DARS1: variants seen among roughly 807,000 people sequenced by gnomAD.
DARS1 encodes aspartyl-tRNA synthetase 1, also known as aspartate--tRNA ligase, cytoplasmic.
A neutral mutation model predicts 68.8 loss-of-function variants in DARS1; 51 were observed. The observed-to-expected ratio is 0.74, with a 90% CI of 0.59 to 0.94. The LOEUF (loss-of-function observed/expected upper bound fraction) is 0.94. DARS1 is among the 40% of genes least tolerant of loss of function. The pLI, the probability that DARS1 is intolerant of heterozygous loss-of-function variation, is 0.00. For missense variants in DARS1, 607 were observed against 597.3 expected (o/e 1.02, Z -0.17); for synonymous variants, 203 against 190.4 (o/e 1.07, Z -0.55).
intron 3 of DARS1, among the ~76,000 whole-genome samples, chr2:135,965,164 G>A (rs993411432): frequency 3.3e-5 from 5 of 151,914 alleles, no homozygotes; most frequent in Non-Finnish European, 7.4e-5. Flanking sequence ...ACACCCCAAC[G>A]AATACAGAGT....
At chr2:135,969,230 T>C (rs1682310432) in intron 3 of DARS1, among the ~76,000 whole-genome samples, 2 of 152,056 alleles carry the variant, frequency 1.3e-5, no homozygotes, top group African/African-American at 4.8e-5. Context: ...TGTTAATTAT[T>C]TTAAAAAGTT....
intron 9 of DARS1, 91 bp downstream of exon 9, chr2:135,922,691 AGT>A: frequency 7.4e-7 from 1 of 1,344,148 alleles, no homozygotes; most frequent in Non-Finnish European, 9.6e-7. Context: ...AAGCTTTCAA[AGT>A]GTCTGTACAT....
At chr2:135,936,941 G>A (rs1036517987) in intron 5 of DARS1, among the ~76,000 whole-genome samples, 5 of 152,126 alleles carry the variant, frequency 3.3e-5, no homozygotes, top group East Asian at 1.9e-4. Context: ...GGATCAGGGC[G>A]GGAAGAGGCC....
At chr2:135,958,217 G>C (rs2104831163) in intron 4 of DARS1, among the ~76,000 whole-genome samples, 1 of 152,256 alleles carries the variant, frequency 6.6e-6, no homozygotes, top group Middle Eastern at 3.4e-3. Context: ...GGCATTGTTA[G>C]TTAAAATTTG....
rs192079092 is a variant in DARS1 at position 135,979,237 on chromosome 2, C to T, written c.217+37G>A. The T allele has an allele frequency of 8.8e-6, 8 of 906,328 alleles. No individual in the cohort carries two copies. In the African/African-American group the frequency reaches 1.3e-4, roughly 15 times the overall value. The allele number at this position is 906,328 out of a possible 1,614,324, so 56.1% of individuals were successfully genotyped here. On this transcript the variant is annotated intron_variant, in intron 3 of 15. Coordinates refer to ENST00000264161, the MANE Select transcript of DARS1 (RefSeq NM_001349.4). ...TATGTAAGACAAAAAATTCGGAGTC[C>T]TTACCGAAAGAGCTTTAATAATGAA...
In DARS1 at chr2:135,907,261, T is replaced by TTTAGG; in HGVS notation, c.*54_*55insCCTAA. ...GGCTTTCTTTTTTTTTTTTTTTTTT[T>TTTAGG]GAGGCAGGGTCTCGCTCTGTCATCC... is the stretch of plus-strand genomic sequence containing the variant. On this transcript the variant is annotated 3_prime_UTR_variant, in exon 16 of 16. Coordinates refer to ENST00000264161, the MANE Select transcript of DARS1 (RefSeq NM_001349.4). 1.1e-6 allele frequency: 1 copy of TTTAGG among 889,242 alleles called. No individual in the cohort carries two copies. Among genetic ancestry groups the TTTAGG allele is most frequent in the Non-Finnish European group, 1.7e-6 (1 of 601,878 alleles). 55.1% of individuals were successfully genotyped at this position (889,242 alleles called of 1,614,324 possible).
chr2:135,923,232 T>C (rs1172098098), intron 8 of DARS1, among the ~76,000 whole-genome samples: 1 of 152,006 alleles, frequency 6.6e-6, no homozygotes, highest in Non-Finnish European at 1.5e-5. Flanking sequence ...AATGAAAAAA[T>C]ATATTCTTCA....
At chr2:135,972,975 A>G (rs560405524) in intron 3 of DARS1, among the ~76,000 whole-genome samples, 4 of 152,348 alleles carry the variant, frequency 2.6e-5, no homozygotes, top group African/African-American at 9.6e-5. Context: ...TGCTGGTGGG[A>G]ATGTAAATTA....
At chr2:135,963,868 C>T (rs188845920) in intron 3 of DARS1, among the ~76,000 whole-genome samples, 28 of 148,872 alleles carry the variant, frequency 1.9e-4, no homozygotes, top group Non-Finnish European at 1.8e-4. Flanking sequence ...GTAGTAGAGA[C>T]GGGGGCTTCA....
chr2:135,947,689 T>C (rs1681755910), intron 4 of DARS1, among the ~76,000 whole-genome samples: 1 of 152,068 alleles, frequency 6.6e-6, no homozygotes, highest in African/African-American at 2.4e-5. Flanking sequence ...ATTATTGCAC[T>C]AGACAGTTCT....
At chr2:135,940,567 A>C (rs1362890737) in intron 5 of DARS1, among the ~76,000 whole-genome samples, 3 of 152,322 alleles carry the variant, frequency 2.0e-5, no homozygotes, top group South Asian at 2.1e-4. Flanking sequence ...TGAATGGTCA[A>C]AAACTGGAAG....
At chr2:135,978,651 G>A (rs1340556476) in intron 3 of DARS1, among the ~76,000 whole-genome samples, 1 of 152,188 alleles carries the variant, frequency 6.6e-6, no homozygotes, top group African/African-American at 2.4e-5. Flanking sequence ...CTTCTCTGTT[G>A]TTGAGGCTAA....
In DARS1 at chr2:135,968,289, T is replaced by C. The variant is rs986409470; in HGVS notation, c.218-6791A>G. 1.6e-4 allele frequency among the ~76,000 whole-genome samples: 24 copies of C among 152,082 alleles called. 1 individual carries two copies. Among genetic ancestry groups the C allele is most frequent in the African/African-American group, 5.8e-4 (24 of 41,412 alleles). Reference sequence around the variant, plus strand: ...AAAAAATAAATAAAGATAATCTACATTGGCAGAAATAAAAAACACTGACAA... The same window carrying C: ...AAAAAATAAATAAAGATAATCTACACTGGCAGAAATAAAAAACACTGACAA... On this transcript the variant is annotated intron_variant, in intron 3 of 15. Transcript: ENST00000264161.
In DARS1 at chr2:135,961,509, CAGAA is replaced by C; in HGVS notation, c.218-15_218-12del. 1 of 1,189,450 alleles carries C rather than the reference CAGAA, an allele frequency of 8.4e-7. No homozygotes were observed. Among genetic ancestry groups the C allele is most frequent in the South Asian group, 1.2e-5 (1 of 82,680 alleles). The allele number at this position is 1,189,450 out of a possible 1,614,324, so 73.7% of individuals were successfully genotyped here. ...AGAAGCACTGTTTCCCTGAAAAAGACAGAAAGAACACAAATGTATTAAGGACACG... is the reference window on the plus strand; with the variant it reads ...AGAAGCACTGTTTCCCTGAAAAAGACAGAACACAAATGTATTAAGGACACG... On this transcript the variant is annotated splice_polypyrimidine_tract_variant and intron_variant, in intron 3 of 15. Transcript: ENST00000264161.
chr2:135,917,560 C>T (rs1044100491), intron 10 of DARS1, among the ~76,000 whole-genome samples: 8 of 152,042 alleles, frequency 5.3e-5, no homozygotes, highest in South Asian at 2.1e-4. Context: ...ACCACAACCT[C>T]GGCCTTCTGG....
At chr2:135,973,159 T>C (rs1374063996) in intron 3 of DARS1, among the ~76,000 whole-genome samples, 2 of 152,172 alleles carry the variant, frequency 1.3e-5, no homozygotes, top group African/African-American at 4.8e-5. Flanking sequence ...CAGCCAATAT[T>C]TGGAAGCAAC....
At chr2:135,944,998 T>C (rs1198439301) in intron 4 of DARS1, among the ~76,000 whole-genome samples, 4 of 152,180 alleles carry the variant, frequency 2.6e-5, no homozygotes, top group Admixed American at 6.5e-5. Flanking sequence ...CTCTGCTACC[T>C]TTCTTCTATA....
chr2:135,915,227 G>A (rs189102235), intron 11 of DARS1, among the ~76,000 whole-genome samples: 3 of 152,000 alleles, frequency 2.0e-5, no homozygotes, highest in Non-Finnish European at 2.9e-5. Context: ...TGGTTTAAAG[G>A]AATCATTCAA....
intron 2 of DARS1, among the ~76,000 whole-genome samples, chr2:135,980,137 C>A (rs979559702): frequency 2.0e-5 from 3 of 152,154 alleles, no homozygotes; most frequent in African/African-American, 7.2e-5. Context: ...ATTTCCCTAT[C>A]GAGCCTTTTG....
Sources: allele counts gnomAD v4.1 joint callset (sites outside exome capture counted in the v4.1 genomes callset), GRCh38; gene constraint gnomAD v4.1.1; transcripts MANE v1.5; gene names NCBI Gene and HGNC (gene_info 2026-07-23, HGNC 2026-07-21).